The following CNTNAP5 variants were observed in gnomAD, a reference collection of about 807,000 sequenced individuals.
The protein encoded by CNTNAP5 is contactin-associated protein-like 5.
In CNTNAP5, 72 loss-of-function variants were observed where a neutral mutation model predicts 150.2. That is an observed-to-expected ratio of 0.48 (90% confidence interval 0.40 to 0.58). The LOEUF is 0.58. CNTNAP5 is among the 20% of genes least tolerant of loss of function. The pLI is 0.00. For synonymous variants in CNTNAP5, 672 were observed against 619.8 expected (o/e 1.08, Z -1.25); for missense variants, 1,636 against 1,626.2 (o/e 1.01, Z -0.10).
intron 13 of CNTNAP5, among the ~76,000 whole-genome samples, chr2:124,725,246 G>A (rs1018555900): frequency 4.0e-5 from 6 of 151,612 alleles, no homozygotes; most frequent in African/African-American, 1.5e-4. Flanking sequence ...TTTTTACTAG[G>A]ACAGTCTTCA....
At chr2:124,780,658 A>G (rs929237523) in intron 17 of CNTNAP5, among the ~76,000 whole-genome samples, 2 of 152,236 alleles carry the variant, frequency 1.3e-5, no homozygotes, top group African/African-American at 4.8e-5. Flanking sequence ...GTTCAATAAG[A>G]CAGCCTTTTT....
intron 1 of CNTNAP5, among the ~76,000 whole-genome samples, chr2:124,029,401 G>C (rs537918784): frequency 1.3e-5 from 2 of 152,116 alleles, no homozygotes; most frequent in Admixed American, 1.3e-4. Context: ...GAGTCCTAAA[G>C]ATTTTCCTTT....
chr2:124,706,850 G>A (rs1679663795), intron 13 of CNTNAP5, among the ~76,000 whole-genome samples: 2 of 34,658 alleles, frequency 5.8e-5, no homozygotes, highest in African/African-American at 2.5e-4. Context: ...GAGGAAGGAG[G>A]AGGAGGAGAA....
chr2:124,749,684 G>C (rs950226224), intron 14 of CNTNAP5, among the ~76,000 whole-genome samples: 7 of 152,274 alleles, frequency 4.6e-5, no homozygotes, highest in Admixed American at 1.3e-4. Flanking sequence ...AAAGTGCTGG[G>C]ATTACAGGCG....
chr2:124,730,558 T>C (rs533194036), intron 13 of CNTNAP5, among the ~76,000 whole-genome samples: 95 of 152,220 alleles, frequency 6.2e-4, no homozygotes, highest in African/African-American at 2.1e-3. Context: ...GTAAGTCTTG[T>C]GTAAACACTA....
At chr2:124,756,569 A>T (rs555453853) in intron 14 of CNTNAP5, among the ~76,000 whole-genome samples, 1 of 152,328 alleles carries the variant, frequency 6.6e-6, no homozygotes, top group African/African-American at 2.4e-5. Flanking sequence ...TATACCATGA[A>T]ATACTATGCA....
chr2:124,418,104 C>T (rs945650929), intron 4 of CNTNAP5, among the ~76,000 whole-genome samples: 4 of 152,144 alleles, frequency 2.6e-5, no homozygotes, highest in African/African-American at 4.8e-5. Flanking sequence ...TTCTATCTTG[C>T]ACATAAAGAT....
chr2:124,227,633 C>CGTGTGTGTGTGT (rs760848365), intron 2 of CNTNAP5, among the ~76,000 whole-genome samples: 27 of 122,100 alleles, frequency 2.2e-4, no homozygotes, highest in Non-Finnish European at 3.6e-4. Context: ...CTCAGCACAT[C>CGTGTGTGTGTGT]GTGTGTATGT....
At chr2:124,523,427 C>A (rs995199880) in intron 8 of CNTNAP5, among the ~76,000 whole-genome samples, 1 of 152,164 alleles carries the variant, frequency 6.6e-6, no homozygotes, top group Non-Finnish European at 1.5e-5. Context: ...TCAGCAAGCA[C>A]TTTACACCAC....
At chr2:124,908,845 A>C (rs1678594568) in intron 22 of CNTNAP5, among the ~76,000 whole-genome samples, 1 of 152,162 alleles carries the variant, frequency 6.6e-6, no homozygotes, top group South Asian at 2.1e-4. Flanking sequence ...AAGTTTAAAA[A>C]GTAAAAAATA....
At chr2:124,055,552 A>AG (rs1681822621) in intron 1 of CNTNAP5, among the ~76,000 whole-genome samples, 1 of 152,074 alleles carries the variant, frequency 6.6e-6, no homozygotes, top group East Asian at 1.9e-4. Context: ...GTGACTCCTT[A>AG]CCAGTGGGAT....
intron 13 of CNTNAP5, among the ~76,000 whole-genome samples, chr2:124,673,434 G>A (rs969916259): frequency 7.9e-5 from 12 of 151,686 alleles, no homozygotes; most frequent in African/African-American, 1.2e-4. Context: ...GTACTTGAGA[G>A]TTACAGTTTC....
chr2:124,700,257 G>A (rs568327561), intron 13 of CNTNAP5, among the ~76,000 whole-genome samples: 172 of 152,090 alleles, frequency 1.1e-3, no homozygotes, highest in South Asian at 6.6e-3. Flanking sequence ...TTGTTTACCC[G>A]TTCCTCAATT....
At chr2:124,663,385 C>T (rs1372579316) in intron 13 of CNTNAP5, among the ~76,000 whole-genome samples, 2 of 151,930 alleles carry the variant, frequency 1.3e-5, no homozygotes, top group African/African-American at 2.4e-5. Context: ...CATAAGTTGC[C>T]CCCCAAAAAT....
intron 13 of CNTNAP5, among the ~76,000 whole-genome samples, chr2:124,745,828 C>A (rs1254438383): frequency 6.6e-6 from 1 of 152,088 alleles, no homozygotes; most frequent in Non-Finnish European, 1.5e-5. Flanking sequence ...TTTCAAAGTA[C>A]CTTCTGTATG....
intron 3 of CNTNAP5, among the ~76,000 whole-genome samples, chr2:124,397,827 G>A (rs932185112): frequency 9.9e-5 from 15 of 152,126 alleles, no homozygotes; most frequent in Non-Finnish European, 1.2e-4. Context: ...TGCAGCCAGC[G>A]ATCCAGTGAC....
At chr2:124,895,755 G>C (rs963168702) in intron 21 of CNTNAP5, among the ~76,000 whole-genome samples, 1 of 151,608 alleles carries the variant, frequency 6.6e-6, no homozygotes, top group African/African-American at 2.4e-5. Flanking sequence ...CAATTATGAA[G>C]TTAGTGGAAG....
At chr2:124,087,630 G>T (rs1408953726) in intron 1 of CNTNAP5, among the ~76,000 whole-genome samples, 1 of 151,840 alleles carries the variant, frequency 6.6e-6, no homozygotes, top group Admixed American at 6.5e-5. Flanking sequence ...GCTGAGGCAG[G>T]AGAATTGCTT....
intron 3 of CNTNAP5, among the ~76,000 whole-genome samples, chr2:124,336,840 T>G (rs1239911297): frequency 6.6e-6 from 1 of 152,050 alleles, no homozygotes; most frequent in Non-Finnish European, 1.5e-5. Flanking sequence ...AACATACTGG[T>G]GTGTGTGTCT....
Sources: allele counts gnomAD v4.1 joint callset (sites outside exome capture counted in the v4.1 genomes callset), GRCh38; gene constraint gnomAD v4.1.1; transcripts MANE v1.5; gene names NCBI Gene and HGNC (gene_info 2026-07-23, HGNC 2026-07-21).